Variants in IBTK observed in about 807,000 individuals in gnomAD.
IBTK encodes the protein inhibitor of Bruton tyrosine kinase, also known as BTK-binding protein.
A neutral mutation model predicts 154.9 loss-of-function variants in IBTK; 83 were observed. The ratio of observed to expected loss-of-function variants is 0.54; its 90% CI spans 0.45 to 0.64. The LOEUF is 0.64. IBTK is among the 30% of genes least tolerant of loss of function. The pLI, the probability that IBTK is intolerant of heterozygous loss-of-function variation, is 0.00. For synonymous variants in IBTK, 515 were observed against 536.1 expected (o/e 0.96, Z 0.54); for missense variants, 1,332 against 1,584.6 (o/e 0.84, Z 2.71).
intron 21 of IBTK, among the ~76,000 whole-genome samples, chr6:82,198,980 A>G (rs1411590352): frequency 2.0e-5 from 3 of 152,084 alleles, no homozygotes; most frequent in Admixed American, 6.5e-5. Flanking sequence ...ATGAACCTTG[A>G]TAGAATACTA....
chr6:82,218,476 C>G (rs1299856165), intron 9 of IBTK, among the ~76,000 whole-genome samples: 2 of 152,190 alleles, frequency 1.3e-5, no homozygotes, highest in African/African-American at 4.8e-5. Context: ...CTACAACTTA[C>G]AAGTCAGGCT....
At chr6:82,202,028 A>G (rs1389228588) in intron 18 of IBTK, among the ~76,000 whole-genome samples, 1 of 152,154 alleles carries the variant, frequency 6.6e-6, no homozygotes, top group African/African-American at 2.4e-5. Flanking sequence ...ACCCGGCCTC[A>G]AGCAACTATT....
At chr6:82,222,871 C>A (rs1318924397) in intron 8 of IBTK, among the ~76,000 whole-genome samples, 11 of 150,702 alleles carry the variant, frequency 7.3e-5, no homozygotes, top group African/African-American at 2.7e-4. Context: ...CAAGACTAGC[C>A]TGGGCTACAG....
rs755947701 is a variant in IBTK, at chr6:82,214,522, T to C, written c.1909A>G (p.Thr637Ala). ...TGAGTTAAAAAGTCACAAGTATCTGTGTATATAAATTGTAAAAGGTATTCA... is the reference window on the plus strand; with the variant it reads ...TGAGTTAAAAAGTCACAAGTATCTGCGTATATAAATTGTAAAAGGTATTCA... ...MFEYLLQFIY[T>A]DTCDFLTHGF... Residue 637 changes from threonine (T) to alanine (A), a missense_variant, in exon 12 of 29, where the codon ACA becomes GCA. Thr to Ala is a moderately conservative substitution (Grantham distance 58, BLOSUM62 0). This residue lies in a region of IBTK where 1,134 missense variants were observed against 1,274.7 expected (regional missense o/e 0.89). Coordinates refer to ENST00000306270, the MANE Select transcript of IBTK (RefSeq NM_015525.4). 3 of 1,614,062 alleles carry C rather than the reference T, an allele frequency of 1.9e-6. No homozygotes were observed. Among genetic ancestry groups the C allele is most frequent in the Non-Finnish European group, 1.7e-6 (2 of 1,179,964 alleles).
chr6:82,185,918 C>A (rs1055760085), intron 25 of IBTK, among the ~76,000 whole-genome samples: 2 of 152,052 alleles, frequency 1.3e-5, no homozygotes, highest in African/African-American at 4.8e-5. Context: ...TTTGTGGCAA[C>A]CTTGCATGGA....
At chr6:82,203,053 T>C (rs1021756037) in intron 17 of IBTK, among the ~76,000 whole-genome samples, 4 of 151,712 alleles carry the variant, frequency 2.6e-5, no homozygotes, top group Admixed American at 2.6e-4. Context: ...AAAAAAGATA[T>C]AAAACTAAGA....
At chr6:82,194,046 T>C (rs1447847924) in intron 23 of IBTK, among the ~76,000 whole-genome samples, 5 of 152,146 alleles carry the variant, frequency 3.3e-5, no homozygotes, top group African/African-American at 1.2e-4. Context: ...AAAAGGATAG[T>C]ATAACATTAA....
intron 7 of IBTK, 50 bp downstream of exon 7, chr6:82,224,018 T>C (rs769017164): frequency 1.0e-6 from 1 of 992,918 alleles, no homozygotes; most frequent in South Asian, 1.4e-5. Context: ...AAGATAATTT[T>C]TTAAAGAGTC....
chr6:82,240,563 T>C lies in IBTK; in HGVS notation c.-77A>G. 1.7e-6 allele frequency: 2 copies of C among 1,202,850 alleles called. No individual in the cohort carries two copies. Among genetic ancestry groups the C allele is most frequent in the Non-Finnish European group, 2.3e-6 (2 of 852,856 alleles). 74.5% of individuals were successfully genotyped at this position (1,202,850 alleles called of 1,614,324 possible). ...AAATGAAAAAGCCAGGACACAAAGG[T>C]GCTATTGAGGAAGTTACAGAGAATA... On this transcript the variant is annotated 5_prime_UTR_variant, in exon 2 of 29. Coordinates refer to ENST00000306270, the MANE Select transcript of IBTK (RefSeq NM_015525.4).
intron 17 of IBTK, among the ~76,000 whole-genome samples, chr6:82,204,023 A>G (rs1562086761): frequency 6.6e-6 from 1 of 152,188 alleles, no homozygotes; most frequent in African/African-American, 2.4e-5. Flanking sequence ...ATATAAGATT[A>G]GAAAGTCAAA....
rs1291270290 is a variant in IBTK, at chr6:82,200,665, C to G, written c.2834G>C (p.Gly945Ala). 1 of 1,598,110 alleles carries G rather than the reference C, an allele frequency of 6.3e-7. No homozygotes were observed. The highest frequency in any genetic ancestry group is 1.4e-5 in the African/African-American group (1 of 73,570). The change falls in exon 20 of 29, where the codon GGA (glycine) becomes GCA (alanine). Residue 945 changes from glycine to alanine, a missense_variant. Physicochemically the swap from Gly to Ala is moderately conservative, Grantham distance 60 (BLOSUM62 0). Coordinates refer to ENST00000306270, the MANE Select transcript of IBTK (RefSeq NM_015525.4). Reference sequence around the variant, plus strand: ...TACTTCCAAATAGCTAATATCTGGTCCATCTTGATATGGTGTAATGACTCT... The same window carrying G: ...TACTTCCAAATAGCTAATATCTGGTGCATCTTGATATGGTGTAATGACTCT... ...DRRVITPYQDGPDISYLEVED... is the reference protein window; with the variant it reads ...DRRVITPYQDAPDISYLEVED...
intron 1 of IBTK, among the ~76,000 whole-genome samples, chr6:82,244,613 G>C (rs896464971): frequency 6.6e-6 from 1 of 151,782 alleles, no homozygotes; most frequent in Admixed American, 6.6e-5. Flanking sequence ...TAACTCTACC[G>C]TACACATGAT....
At chr6:82,179,233 G>A (rs1768225384) in intron 26 of IBTK, among the ~76,000 whole-genome samples, 1 of 152,194 alleles carries the variant, frequency 6.6e-6, no homozygotes, top group South Asian at 2.1e-4. Flanking sequence ...AAATGGAAGT[G>A]CCAAAGACAC....
rs1407960837 is a variant in IBTK at position 82,231,214 on chromosome 6, T to G, written c.543+504A>C. Among the ~76,000 whole-genome samples, 10 of 152,242 alleles carry G rather than the reference T, an allele frequency of 6.6e-5. No homozygotes were observed. The East Asian group carries it at 1.9e-3, about 29-fold the overall frequency. ...CATAAGATTAAACATATTCTCTTCA[T>G]GATAAATAGCTTGGAACCTAAAAAC... On this transcript the variant is annotated intron_variant, in intron 4 of 28. Coordinates refer to ENST00000306270, the MANE Select transcript of IBTK (RefSeq NM_015525.4).
At position 82,170,662 on chromosome 6, in the gene IBTK, T is replaced by C. The variant is rs554020509; in HGVS notation, c.*763A>G. The C allele has an allele frequency of 1.3e-5, 2 of 152,326 alleles. No individual in the cohort carries two copies. Among genetic ancestry groups the C allele is most frequent in the South Asian group, 2.1e-4 (1 of 4,826 alleles). The allele number at this position is 152,326 out of a possible 1,614,324, so 9.4% of individuals were successfully genotyped here. On this transcript the variant is annotated 3_prime_UTR_variant, in exon 29 of 29. Transcript: ENST00000306270. The stretch of plus-strand genomic sequence containing the variant: ...TCAGAAATTTTAACACTTTCAGCAA[T>C]TGATTCTCTCACAATTAGGCATTTT...
At chr6:82,179,989 G>A (rs958615708) in intron 26 of IBTK, among the ~76,000 whole-genome samples, 8 of 152,328 alleles carry the variant, frequency 5.3e-5, no homozygotes, top group Admixed American at 4.6e-4. Context: ...AAACAAGAAA[G>A]GAGGATAGTT....
Position 82,214,772 on chromosome 6 carries a change from C to T in IBTK, c.1659G>A (p.Leu553=), listed in dbSNP as rs781649124. The stretch of plus-strand genomic sequence containing the variant: ...TGTCCATTTCATCTGCTTCCCTCAA[C>T]AGTTTGCCAAACTCTTCAAAAAAGG... ...SSSFFEEFGK[L]LREADEMDSI... Residue 553 remains leucine, a synonymous_variant, in exon 12 of 29, where the codon CTG becomes CTA. Transcript: ENST00000306270. 6.2e-7 allele frequency: 1 copy of T among 1,613,178 alleles called. No homozygotes were observed. The highest frequency in any genetic ancestry group is 8.5e-7 in the Non-Finnish European group (1 of 1,179,576).
intron 17 of IBTK, among the ~76,000 whole-genome samples, chr6:82,203,471 G>A (rs1245852041): frequency 2.0e-5 from 3 of 152,142 alleles, no homozygotes; most frequent in South Asian, 4.2e-4. Context: ...AGTTGCAACT[G>A]CAGTCAATAA....
At chr6:82,216,337 T>C (rs2127816529) in intron 10 of IBTK, 87 bp from the exon 11 acceptor site, 1 of 836,088 alleles carries the variant, frequency 1.2e-6, no homozygotes, top group South Asian at 1.9e-5. Context: ...GAAAAGGAGT[T>C]AGAAAAATAT....
Sources: allele counts gnomAD v4.1 joint callset (sites outside exome capture counted in the v4.1 genomes callset), GRCh38; gene constraint gnomAD v4.1.1; regional missense constraint gnomAD v4.1.1; transcripts MANE v1.5; gene names NCBI Gene and HGNC (gene_info 2026-07-23, HGNC 2026-07-21).